The following SPEF2 variants were observed in gnomAD, a reference collection of about 807,000 sequenced individuals.
SPEF2 encodes sperm flagellar and cilia associated 2, also known as sperm flagella and cilia-associated protein 2.
A neutral mutation model predicts 224.6 loss-of-function variants in SPEF2; 187 were observed. The observed-to-expected ratio is 0.83, with a 90% CI of 0.74 to 0.94. The LOEUF is 0.94. Ranked by LOEUF, SPEF2 falls within the 40% of genes least tolerant of loss-of-function variation. The pLI is 0.00. For missense variants in SPEF2, 2,170 were observed against 2,135.6 expected (o/e 1.02, Z -0.32); for synonymous variants, 715 against 707.3 (o/e 1.01, Z -0.17).
At chr5:35,665,529 C>G (rs1297445327) in intron 8 of SPEF2, among the ~76,000 whole-genome samples, 4 of 152,050 alleles carry the variant, frequency 2.6e-5, no homozygotes, top group Non-Finnish European at 5.9e-5. Flanking sequence ...GAAAGCTATA[C>G]TATTACTGGT....
At chr5:35,801,894 G>T (rs1004980389) in intron 34 of SPEF2, among the ~76,000 whole-genome samples, 1 of 152,202 alleles carries the variant, frequency 6.6e-6, no homozygotes, top group Non-Finnish European at 1.5e-5. Flanking sequence ...TTGAGGCAAG[G>T]CCTGGTACAG....
chr5:35,704,437 T>G (rs1170069721), intron 16 of SPEF2, 117 bp from the exon 17 acceptor site: 5 of 585,910 alleles, frequency 8.5e-6, no homozygotes, highest in Non-Finnish European at 1.5e-5. Flanking sequence ...TATTTTTAAG[T>G]AACACTGGAC....
chr5:35,768,522 A>T (rs1017912115), intron 26 of SPEF2, among the ~76,000 whole-genome samples: 1 of 152,152 alleles, frequency 6.6e-6, no homozygotes, highest in African/African-American at 2.4e-5. Context: ...TATATCTATA[A>T]TATTGGAGAT....
At chr5:35,771,572 T>C in intron 26 of SPEF2, 37 bp from the exon 27 acceptor site, 1 of 1,579,184 alleles carries the variant, frequency 6.3e-7, no homozygotes, top group Non-Finnish European at 8.5e-7. Flanking sequence ...ATTTTGTAAA[T>C]GAGACATTAA....
chr5:35,721,462 G>A (rs376752556), intron 20 of SPEF2, among the ~76,000 whole-genome samples: 33 of 152,282 alleles, frequency 2.2e-4, no homozygotes, highest in African/African-American at 7.5e-4. Flanking sequence ...AGTTCCATAT[G>A]TGCCCAGACC....
In SPEF2 at chr5:35,763,530, T is replaced by C. The variant is rs758568032; in HGVS notation, c.3629T>C (p.Leu1210Pro). Reference protein sequence around the residue: ...DNSESQLRIPLVPRISISLET... With the variant: ...DNSESQLRIPPVPRISISLET... ...TTGTTTGTTTCTCAAAGAATTCCTC[T>C]AGTTCCTCGAATATCCATTTCTCTG... Residue 1210 changes from leucine (L) to proline (P), a missense_variant, in exon 26 of 37, where the codon CTA becomes CCA. By Grantham distance (98) the Leu-to-Pro change is moderately conservative. Transcript: ENST00000356031. 50 of 1,576,806 alleles carry C rather than the reference T, an allele frequency of 3.2e-5. No homozygotes were observed. The highest frequency in any genetic ancestry group is 1.5e-5 in the Non-Finnish European group (18 of 1,166,582).
chr5:35,773,461 G>A lies in SPEF2; in HGVS notation c.3950-432G>A, dbSNP rs374116721. ...CCCACATCTTCTTGAGGTTATTCTC[G>A]TATCTTCTTTTTTGGTGAAGATCTA... On this transcript the variant is annotated intron_variant, in intron 27 of 36. Coordinates refer to ENST00000356031, the MANE Select transcript of SPEF2 (RefSeq NM_024867.4). Among the ~76,000 whole-genome samples the A allele has an allele frequency of 5.3e-5, 8 of 152,084 alleles. No homozygotes were observed. In the East Asian group the frequency reaches 7.7e-4, roughly 15 times the overall value.
At position 35,753,746 on chromosome 5, in the gene SPEF2, C is replaced by A. The variant is rs775408767; in HGVS notation, c.3453C>A (p.Phe1151Leu). The part of the protein sequence containing the change: ...QDTLGMTMNH[F>L]FSLMQAELNR... ...CTCTTGGAATGACAATGAACCATTT[C>A]TTTTCCCTGATGCAGGTAAGAGCAG... Residue 1151 changes from phenylalanine to leucine, a missense_variant, in exon 24 of 37, where the codon TTC becomes TTA. Coordinates refer to ENST00000356031, the MANE Select transcript of SPEF2 (RefSeq NM_024867.4). 5.6e-6 allele frequency: 9 copies of A among 1,613,966 alleles called. No individual in the cohort carries two copies. Among genetic ancestry groups the A allele is most frequent in the Admixed American group, 5.0e-5 (3 of 60,000 alleles).
At chr5:35,745,795 G>A (rs1278423298) in intron 23 of SPEF2, among the ~76,000 whole-genome samples, 4 of 152,170 alleles carry the variant, frequency 2.6e-5, no homozygotes, top group Non-Finnish European at 5.9e-5. Flanking sequence ...CCAGCCCACC[G>A]CTGGTCCCTC....
intron 36 of SPEF2, among the ~76,000 whole-genome samples, chr5:35,811,591 G>T (rs1758532900): frequency 6.6e-6 from 1 of 150,612 alleles, no homozygotes; most frequent in African/African-American, 2.5e-5. Context: ...GTAAAATAGG[G>T]CCAATGATCA....
chr5:35,715,800 T>C lies in SPEF2; in HGVS notation c.2914+2914T>C, dbSNP rs1439407268. Among the ~76,000 whole-genome samples the C allele has an allele frequency of 2.1e-5, 3 of 143,724 alleles. No homozygotes were observed. In the East Asian group the frequency reaches 6.2e-4, roughly 30 times the overall value. The allele number at this position is 143,724 out of a possible 152,430, so 94.3% of individuals were successfully genotyped here. A position where few individuals can be genotyped will look rare whatever the true frequency, so the allele number is the denominator to read the frequency against. ...TCTATTTTACTTTATTTCTGTGAAA[T>C]AGGGGGATATAATTTCTTTTTTTTT... On this transcript the variant is annotated intron_variant, in intron 20 of 36. Coordinates refer to ENST00000356031, the MANE Select transcript of SPEF2 (RefSeq NM_024867.4).
At chr5:35,628,946 C>G (rs1219868286) in intron 2 of SPEF2, among the ~76,000 whole-genome samples, 2 of 152,004 alleles carry the variant, frequency 1.3e-5, no homozygotes, top group Non-Finnish European at 2.9e-5. Context: ...AAGTTAACTT[C>G]AAAGAATCAT....
Position 35,800,121 on chromosome 5 carries a change from A to C in SPEF2, c.4984A>C (p.Lys1662Gln). 1 of 1,614,154 alleles carries C rather than the reference A, an allele frequency of 6.2e-7. No individual in the cohort carries two copies. Among genetic ancestry groups the C allele is most frequent in the East Asian group, 2.2e-5 (1 of 44,876 alleles). Reference protein sequence around the residue: ...AVGTHVFQQVKASIPSAEKTS... With the variant: ...AVGTHVFQQVQASIPSAEKTS... The stretch of plus-strand genomic sequence containing the variant: ...TGGAACTCATGTCTTCCAACAAGTC[A>C]AAGCTTCCATTCCAAGTGCAGAAAA... The change falls in exon 34 of 37, where the codon AAA becomes CAA. Residue 1662 changes from lysine (K) to glutamine (Q), a missense_variant. Physicochemically the swap from Lys to Gln is moderately conservative, Grantham distance 53 (BLOSUM62 1). Transcript: ENST00000356031.
intron 23 of SPEF2, among the ~76,000 whole-genome samples, chr5:35,741,182 T>C (rs1747567742): frequency 6.6e-6 from 1 of 152,040 alleles, no homozygotes; most frequent in Admixed American, 6.5e-5. Flanking sequence ...AATAAGCATA[T>C]AGTGAATGTG....
At chr5:35,691,404 C>G (rs1057198148) in intron 11 of SPEF2, 148 bp downstream of exon 11, 4 of 660,420 alleles carry the variant, frequency 6.1e-6, no homozygotes, top group African/African-American at 5.5e-5. Context: ...ATTTTCCAGG[C>G]TACGATTATT....
At chr5:35,762,426 A>G (rs1751436016) in intron 25 of SPEF2, among the ~76,000 whole-genome samples, 1 of 152,214 alleles carries the variant, frequency 6.6e-6, no homozygotes. Flanking sequence ...ACAGTGATTT[A>G]GCCTTATTTG....
intron 23 of SPEF2, among the ~76,000 whole-genome samples, chr5:35,753,270 A>G (rs1214035319): frequency 6.6e-6 from 1 of 152,152 alleles, no homozygotes; most frequent in Non-Finnish European, 1.5e-5. Context: ...TCCACCACCA[A>G]TTGCCATTTC....
chr5:35,709,927 G>A, intron 19 of SPEF2: 1 of 984,676 alleles, frequency 1.0e-6, no homozygotes, highest in Non-Finnish European at 1.2e-6. Context: ...CTTTGATACT[G>A]TGTCATGACC....
intron 4 of SPEF2, 191 bp from the exon 5 acceptor site, chr5:35,646,476 C>A: frequency 2.2e-6 from 1 of 456,060 alleles, no homozygotes; most frequent in South Asian, 4.6e-5. Flanking sequence ...GTTTTAATAT[C>A]ATGCTTTTCA....
Sources: gnomAD v4.1 joint callset for allele counts (sites outside exome capture counted in the v4.1 genomes callset) on GRCh38, gnomAD v4.1.1 for gene constraint, MANE v1.5 for transcripts, NCBI Gene and HGNC (gene_info 2026-07-23, HGNC 2026-07-21) for gene names.